The following NPAS3 variants were observed in gnomAD, a reference collection of about 807,000 sequenced individuals.
NPAS3 encodes the protein neuronal PAS domain protein 3, also known as neuronal PAS domain-containing protein 3.
In NPAS3, 14 loss-of-function variants were observed where a neutral mutation model predicts 73.1. That is an observed-to-expected ratio of 0.19 (90% CI 0.13 to 0.30). The LOEUF (loss-of-function observed/expected upper bound fraction) is 0.30. NPAS3 is among the 10% of genes least tolerant of loss of function. NPAS3 has a pLI of 1.00. For synonymous variants in NPAS3, 620 were observed against 541.5 expected, an observed-to-expected ratio of 1.14 and a Z score of -2.01; for missense variants, 1,096 against 1,250.0, an observed-to-expected ratio of 0.88 and a Z score of 1.86.
intron 6 of NPAS3, among the ~76,000 whole-genome samples, chr14:33,717,825 G>A (rs1056851635): frequency 1.1e-4 from 16 of 152,046 alleles, no homozygotes; most frequent in African/African-American, 3.4e-4. Context: ...AGAGTGCTGC[G>A]ACAACTAAAT....
At chr14:33,759,519 A>G (rs1238132983) in intron 7 of NPAS3, among the ~76,000 whole-genome samples, 4 of 152,218 alleles carry the variant, frequency 2.6e-5, no homozygotes, top group Non-Finnish European at 5.9e-5. Flanking sequence ...AGTGCTATGT[A>G]TACTTTCATA....
chr14:33,474,539 A>G (rs2050933379), intron 4 of NPAS3, among the ~76,000 whole-genome samples: 2 of 152,172 alleles, frequency 1.3e-5, no homozygotes, highest in South Asian at 4.1e-4. Flanking sequence ...TTAATTTTAC[A>G]TATTTCTATA....
chr14:33,390,219 T>C (rs1158033550), intron 4 of NPAS3, among the ~76,000 whole-genome samples: 20 of 152,198 alleles, frequency 1.3e-4, no homozygotes, highest in Admixed American at 1.3e-3. Context: ...GATTGTATTT[T>C]ATAGCAGAAA....
In NPAS3 at chr14:33,763,782, G is replaced by A. The variant is rs74341100; in HGVS notation, c.853-10555G>A. Reference sequence around the variant, plus strand: ...TTCCAGATACCTACTGCAGCCTCTTGGGAATTGATCATTTTTAGGTTTGAT... The same window carrying A: ...TTCCAGATACCTACTGCAGCCTCTTAGGAATTGATCATTTTTAGGTTTGAT... On this transcript the variant is annotated intron_variant, in intron 7 of 11. Coordinates refer to ENST00000356141, the Ensembl canonical transcript of NPAS3. Among the ~76,000 whole-genome samples, 178 of 151,578 alleles carry A rather than the reference G, an allele frequency of 1.2e-3. 1 individual carries two copies. Among genetic ancestry groups the A allele is most frequent in the African/African-American group, 4.1e-3 (168 of 41,364 alleles).
Position 33,689,307 on chromosome 14 carries a change from C to G in NPAS3, c.733+12922C>G, listed in dbSNP as rs1289175550. 3.3e-5 allele frequency among the ~76,000 whole-genome samples: 5 copies of G among 152,282 alleles called. No homozygotes were observed. The Middle Eastern group carries it at 0.01, about 311-fold the overall frequency. On this transcript the variant is annotated intron_variant, in intron 6 of 11. Coordinates refer to ENST00000356141, the Ensembl canonical transcript of NPAS3. ...CTTCAAATGAATTAATATATTAACA[C>G]GTCTTATAAGAGTATAATGAGTTTA...
chr14:33,574,261 C>T (rs147901008), intron 5 of NPAS3, among the ~76,000 whole-genome samples: 85 of 152,152 alleles, frequency 5.6e-4, no homozygotes, highest in African/African-American at 1.9e-3. Context: ...GCAGCATATA[C>T]GATACAGCAC....
At chr14:33,754,729 TTC>T (rs201012115) in intron 7 of NPAS3, among the ~76,000 whole-genome samples, 2,848 of 152,260 alleles carry the variant, frequency 0.019, 42 homozygotes, top group Middle Eastern at 0.051. Flanking sequence ...TCTTTCAAGA[TTC>T]TCTCTCTCTT....
chr14:33,570,869 G>A (rs2056180559), intron 5 of NPAS3, among the ~76,000 whole-genome samples: 1 of 152,124 alleles, frequency 6.6e-6, no homozygotes, highest in Non-Finnish European at 1.5e-5. Flanking sequence ...GCATAGATTA[G>A]CAAGCTGAAG....
chr14:33,229,288 A>T (rs767054925), intron 3 of NPAS3, among the ~76,000 whole-genome samples: 5 of 152,194 alleles, frequency 3.3e-5, no homozygotes, highest in Non-Finnish European at 7.3e-5. Context: ...TTTCATAGAG[A>T]TGGAAAGAGA....
intron 4 of NPAS3, among the ~76,000 whole-genome samples, chr14:33,522,649 G>A (rs2053607832): frequency 1.3e-5 from 2 of 152,064 alleles, no homozygotes. Flanking sequence ...CCACATTTAA[G>A]ACTGTGTTAA....
chr14:33,220,473 A>G (rs1218632854), intron 3 of NPAS3, among the ~76,000 whole-genome samples: 1 of 152,200 alleles, frequency 6.6e-6, no homozygotes, highest in African/African-American at 2.4e-5. Flanking sequence ...TATATTTCTA[A>G]TGAAGTTATG....
rs1256221793 is a variant in NPAS3 at position 33,427,683 on chromosome 14, T to C, written c.468+60415T>C. ...AATACTTTGAATGTCAATAAAATTG[T>C]TGGAATATAAATTACACAAGGGCAA... On this transcript the variant is annotated intron_variant, in intron 4 of 11. Coordinates refer to ENST00000356141, the Ensembl canonical transcript of NPAS3. Among the ~76,000 whole-genome samples, 7 of 152,022 alleles carry C rather than the reference T, an allele frequency of 4.6e-5. No individual in the cohort carries two copies. The East Asian group carries it at 1.4e-3, about 29-fold the overall frequency.
chr14:33,565,234 T>G (rs568499089), intron 5 of NPAS3, among the ~76,000 whole-genome samples: 2 of 152,360 alleles, frequency 1.3e-5, no homozygotes, highest in South Asian at 4.1e-4. Context: ...CCTTATCCTG[T>G]TGTTCATCTC....
intron 5 of NPAS3, among the ~76,000 whole-genome samples, chr14:33,636,706 C>T (rs2058527666): frequency 6.6e-6 from 1 of 152,226 alleles, no homozygotes; most frequent in Admixed American, 6.5e-5. Context: ...ACCAGTCAGA[C>T]TGCCCTTCTC....
At chr14:33,087,139 A>AATATAGTATACAATATAATATTGT (rs2042055393) in intron 2 of NPAS3, among the ~76,000 whole-genome samples, 5 of 94,934 alleles carry the variant, frequency 5.3e-5, no homozygotes, top group African/African-American at 2.7e-4. Flanking sequence ...AATATTGTAT[A>AATATAGTATACAATATAATATTGT]ATAATATAGT....
At chr14:33,777,576 A>C (rs1043735137) in intron 8 of NPAS3, among the ~76,000 whole-genome samples, 2 of 152,042 alleles carry the variant, frequency 1.3e-5, no homozygotes, top group East Asian at 3.9e-4. Flanking sequence ...AAAAAAACAC[A>C]TGAAGAGTAA....
chr14:33,774,460 G>A (rs758592814), exon 8 of NPAS3: 2 of 1,614,186 alleles, frequency 1.2e-6, no homozygotes, highest in South Asian at 1.1e-5. Context: ...GATCAATGAA[G>A]TCAGAATTGA....
At chr14:33,281,728 G>A (rs376929688) in intron 3 of NPAS3, among the ~76,000 whole-genome samples, 15 of 152,012 alleles carry the variant, frequency 9.9e-5, no homozygotes, top group African/African-American at 3.6e-4. Flanking sequence ...AATTTTCCTG[G>A]TTTGTTACCC....
At position 33,660,726 on chromosome 14, in the gene NPAS3, C is replaced by G. The variant is rs76391509; in HGVS notation, c.559-15485C>G. Among the ~76,000 whole-genome samples the G allele has an allele frequency of 3.5e-3, 537 of 152,236 alleles. 21 individuals are homozygous for G. In the East Asian group the frequency reaches 0.079, roughly 22 times the overall value. Reference sequence around the variant, plus strand: ...AATTAACGTTTATCTTAAAATATCCCGGGTTCTTCTGCAGAATTCTTCCCC... The same window carrying G: ...AATTAACGTTTATCTTAAAATATCCGGGGTTCTTCTGCAGAATTCTTCCCC... On this transcript the variant is annotated intron_variant, in intron 5 of 11. Transcript: ENST00000356141.
Sources: gnomAD v4.1 joint callset for allele counts (sites outside exome capture counted in the v4.1 genomes callset) on GRCh38, gnomAD v4.1.1 for gene constraint, MANE v1.5 for transcripts, NCBI Gene and HGNC (gene_info 2026-07-23, HGNC 2026-07-21) for gene names.